Variants in ITK observed in about 807,000 individuals in gnomAD.
ITK encodes the protein tyrosine-protein kinase ITK/TSK.
In ITK, 45 loss-of-function variants were observed where a neutral mutation model predicts 87.6. The observed-to-expected ratio is 0.51, with a 90% confidence interval of 0.40 to 0.66. The LOEUF (loss-of-function observed/expected upper bound fraction) is 0.66, where lower values mean the gene tolerates loss of function less well. Ranked by LOEUF, ITK falls within the 30% of genes least tolerant of loss-of-function variation. The pLI is 0.00. For missense variants in ITK, 605 were observed against 766.3 expected (o/e 0.79, Z 2.48); for synonymous variants, 303 against 273.6 (o/e 1.11, Z -1.06).
At chr5:157,214,358 A>C in intron 4 of ITK, 39 bp downstream of exon 4, 1 of 1,582,920 alleles carries the variant, frequency 6.3e-7, no homozygotes, top group Non-Finnish European at 8.7e-7. Flanking sequence ...TTGTGAAATG[A>C]CCATAAAAAA....
intron 6 of ITK, among the ~76,000 whole-genome samples, chr5:157,226,552 T>C (rs1754535138): frequency 6.6e-6 from 1 of 152,196 alleles, no homozygotes; most frequent in South Asian, 2.1e-4. Flanking sequence ...TGAGGGCAGA[T>C]GTCCAATTCT....
chr5:157,245,603 A>G (rs1487816420), intron 13 of ITK, 123 bp from the exon 14 acceptor site: 5 of 792,480 alleles, frequency 6.3e-6, no homozygotes, highest in Non-Finnish European at 1.1e-5. Flanking sequence ...GTAAAGCTCC[A>G]TGATGCCCTT....
At position 157,245,879 on chromosome 5, in the gene ITK, A is replaced by G; in HGVS notation, c.1515-2A>G. The G allele has an allele frequency of 1.2e-6, 2 of 1,613,526 alleles. No homozygotes were observed. Among genetic ancestry groups the G allele is most frequent in the Non-Finnish European group, 1.7e-6 (2 of 1,179,412 alleles). ...GACCTTCTCCCTCCACTCTCTTCCC[A>G]GGTTCGTTCTGGATGATCAGTACAC... On this transcript the variant is annotated splice_acceptor_variant, in intron 14 of 16. Coordinates refer to ENST00000422843, the MANE Select transcript of ITK (RefSeq NM_005546.4). LOFTEE classifies it high-confidence loss of function.
intron 6 of ITK, among the ~76,000 whole-genome samples, chr5:157,224,531 TTTGA>T (rs1255116846): frequency 1.3e-5 from 2 of 151,944 alleles, no homozygotes; most frequent in African/African-American, 4.8e-5. Flanking sequence ...ATCCCAGCAC[TTTGA>T]TTGGGAGGCC....
At chr5:157,212,715 G>A (rs893101129) in intron 3 of ITK, among the ~76,000 whole-genome samples, 3 of 152,072 alleles carry the variant, frequency 2.0e-5, no homozygotes, top group South Asian at 2.1e-4. Flanking sequence ...AGGCAGGCAT[G>A]GTGGCACATG....
At chr5:157,225,325 T>C (rs908969352) in intron 6 of ITK, among the ~76,000 whole-genome samples, 1 of 152,118 alleles carries the variant, frequency 6.6e-6, no homozygotes, top group African/African-American at 2.4e-5. Flanking sequence ...TGTGCAACAG[T>C]TAAGTCAGAG....
chr5:157,213,556 T>C, intron 3 of ITK: 1 of 453,360 alleles, frequency 2.2e-6, no homozygotes. Flanking sequence ...TTTTTTCTTT[T>C]TTTTTGGTAG....
At position 157,253,992 on chromosome 5, in the gene ITK, A is replaced by T. The variant is rs1755202493; in HGVS notation, c.*1314A>T. 1 of 224,554 alleles carries T rather than the reference A, an allele frequency of 4.5e-6. No homozygotes were observed. Among genetic ancestry groups the T allele is most frequent in the Non-Finnish European group, 8.9e-6 (1 of 112,638 alleles). The allele number at this position is 224,554 out of a possible 1,614,324, so 13.9% of individuals were successfully genotyped here. ...TCCCATTTTACAAATAATGTAACTG[A>T]GGCTTTAAAAAGCCAAGACATCTGC... On this transcript the variant is annotated 3_prime_UTR_variant, in exon 17 of 17. Coordinates refer to ENST00000422843, the MANE Select transcript of ITK (RefSeq NM_005546.4).
chr5:157,213,927 G>T (rs557758016), intron 3 of ITK, among the ~76,000 whole-genome samples: 3 of 152,298 alleles, frequency 2.0e-5, no homozygotes, highest in African/African-American at 7.2e-5. Context: ...TCAGATAAGG[G>T]TTTGCCCAAC....
intron 5 of ITK, among the ~76,000 whole-genome samples, chr5:157,218,766 G>A (rs1011450321): frequency 3.9e-5 from 6 of 152,124 alleles, no homozygotes; most frequent in Admixed American, 6.5e-5. Context: ...GGTTTCTGGC[G>A]TGGTGGTCTT....
chr5:157,202,307 G>C (rs187184794), intron 1 of ITK, among the ~76,000 whole-genome samples: 1 of 152,064 alleles, frequency 6.6e-6, no homozygotes. Context: ...TCTGCCTCCC[G>C]AGTTCAAGCA....
chr5:157,229,922 AT>A (rs2113765572), intron 7 of ITK, among the ~76,000 whole-genome samples: 1 of 152,360 alleles, frequency 6.6e-6, no homozygotes, highest in South Asian at 2.1e-4. Flanking sequence ...CTCAAAAAAA[AT>A]AATAGTAATA....
At chr5:157,252,088 T>C (rs1009248299) in intron 16 of ITK, among the ~76,000 whole-genome samples, 1 of 152,208 alleles carries the variant, frequency 6.6e-6, no homozygotes, top group African/African-American at 2.4e-5. Context: ...GAACTAATAT[T>C]TTAACACTAT....
At chr5:157,215,117 G>A (rs994221237) in intron 4 of ITK, among the ~76,000 whole-genome samples, 6 of 152,098 alleles carry the variant, frequency 3.9e-5, no homozygotes, top group African/African-American at 9.7e-5. Context: ...GGTACATGGC[G>A]TGATGTTAAG....
At chr5:157,241,743 T>A in intron 11 of ITK, 23 bp downstream of exon 11, 1 of 1,581,042 alleles carries the variant, frequency 6.3e-7, no homozygotes. Context: ...ATCAGGAATG[T>A]AAACTCATGT....
chr5:157,221,176 G>A (rs544196972), intron 5 of ITK, among the ~76,000 whole-genome samples: 37 of 151,766 alleles, frequency 2.4e-4, no homozygotes, highest in African/African-American at 8.0e-4. Context: ...TGAAATAGTC[G>A]AATTCTTGCA....
chr5:157,241,833 A>G (rs967343601), intron 11 of ITK, 113 bp downstream of exon 11: 1 of 743,920 alleles, frequency 1.3e-6, no homozygotes, highest in Non-Finnish European at 2.4e-6. Context: ...CCATTAAAAC[A>G]AGTGTATTAT....
chr5:157,253,934 T>G lies in ITK; in HGVS notation c.*1256T>G, dbSNP rs952141924. ...TTCCCTGCAAAATCTCTGTTCACCC[T>G]GGGTTCACATCCCCATGAGGTAATA... On this transcript the variant is annotated 3_prime_UTR_variant, in exon 17 of 17. Coordinates refer to ENST00000422843, the MANE Select transcript of ITK (RefSeq NM_005546.4). 4.5e-6 allele frequency: 1 copy of G among 221,904 alleles called. No individual in the cohort carries two copies. The highest frequency in any genetic ancestry group is 9.0e-6 in the Non-Finnish European group (1 of 110,942). 13.7% of individuals were successfully genotyped at this position (221,904 alleles called of 1,614,324 possible).
Position 157,208,010 on chromosome 5 carries a change from T to G in ITK, c.139-879T>G, listed in dbSNP as rs140501784. Among the ~76,000 whole-genome samples, 426 of 152,240 alleles carry G rather than the reference T, an allele frequency of 2.8e-3. 2 individuals are homozygous for G. The highest frequency in any genetic ancestry group is 9.7e-3 in the African/African-American group (403 of 41,544). ...ATTGGTAGTGGGTATAATGACGTAT[T>G]TTGCAACTGGTTCCATAGCTGAATT... On this transcript the variant is annotated intron_variant, in intron 1 of 16. Transcript: ENST00000422843.
Sources: allele counts gnomAD v4.1 joint callset (sites outside exome capture counted in the v4.1 genomes callset), GRCh38; gene constraint gnomAD v4.1.1; transcripts MANE v1.5; gene names NCBI Gene and HGNC (gene_info 2026-07-23, HGNC 2026-07-21).